The following GRM7 variants were observed in gnomAD, a reference collection of about 807,000 sequenced individuals.
GRM7 encodes metabotropic glutamate receptor 7.
In GRM7, 35 loss-of-function variants were observed where a neutral mutation model predicts 84.5. The ratio of observed to expected loss-of-function variants is 0.41; its 90% confidence interval spans 0.32 to 0.55. GRM7 has a LOEUF of 0.55. Among genes scored for constraint, GRM7 ranks in the 20% least tolerant of loss-of-function variants. The pLI is 0.19. For missense variants in GRM7, 1,003 were observed against 1,194.6 expected (o/e 0.84, Z 2.36); for synonymous variants, 487 against 455.1 (o/e 1.07, Z -0.89).
intron 1 of GRM7, among the ~76,000 whole-genome samples, chr3:7,112,229 A>ATTT (rs34718473): frequency 6.1e-5 from 9 of 146,838 alleles, no homozygotes; most frequent in African/African-American, 2.0e-4. Flanking sequence ...ATATTTTATG[A>ATTT]TTTTTTTTTT....
chr3:7,403,686 CAT>C (rs199640104), intron 4 of GRM7, among the ~76,000 whole-genome samples: 1,513 of 143,878 alleles, frequency 0.011, 29 homozygotes, highest in African/African-American at 0.036. Flanking sequence ...TATATACACA[CAT>C]ATATATGTGT....
intron 7 of GRM7, among the ~76,000 whole-genome samples, chr3:7,497,907 T>C (rs567669130): frequency 5.3e-5 from 8 of 152,298 alleles, no homozygotes; most frequent in African/African-American, 1.9e-4. Context: ...TTGTGGGATG[T>C]GATAGGAACT....
intron 2 of GRM7, among the ~76,000 whole-genome samples, chr3:7,210,283 A>G (rs1216283253): frequency 1.3e-5 from 2 of 152,228 alleles, no homozygotes; most frequent in Admixed American, 6.5e-5. Context: ...GTTCCCATCT[A>G]TTAGCTACAT....
chr3:7,279,623 G>A (rs1699188057), intron 2 of GRM7, among the ~76,000 whole-genome samples: 1 of 152,164 alleles, frequency 6.6e-6, no homozygotes, highest in Non-Finnish European at 1.5e-5. Flanking sequence ...GTAAGCAGAG[G>A]CAAGACACCA....
Position 7,501,111 on chromosome 3 carries a change from T to C in GRM7, c.1515+39389T>C, listed in dbSNP as rs376818613. Among the ~76,000 whole-genome samples the C allele has an allele frequency of 9.6e-4, 147 of 152,348 alleles. 3 individuals are homozygous for C. The South Asian group carries it at 0.025, about 26-fold the overall frequency. On this transcript the variant is annotated intron_variant, in intron 7 of 9. Coordinates refer to ENST00000357716, the MANE Select transcript of GRM7 (RefSeq NM_000844.4). ...ACTATATAGAGTGTTGACTTTATTA[T>C]TGAGTACCTAAAATATAATGCCAGA...
intron 2 of GRM7, among the ~76,000 whole-genome samples, chr3:7,281,347 C>A (rs1277118228): frequency 6.6e-6 from 1 of 151,980 alleles, no homozygotes; most frequent in East Asian, 1.9e-4. Context: ...TTTCATAAAA[C>A]CTCCATTTGT....
At chr3:7,124,578 C>A (rs1294049682) in intron 1 of GRM7, among the ~76,000 whole-genome samples, 1 of 152,114 alleles carries the variant, frequency 6.6e-6, no homozygotes, top group Non-Finnish European at 1.5e-5. Context: ...ATAAAGTTTC[C>A]TAATAATTGA....
chr3:7,346,433 T>C (rs536527886), intron 4 of GRM7, among the ~76,000 whole-genome samples: 7 of 152,292 alleles, frequency 4.6e-5, no homozygotes, highest in Non-Finnish European at 1.0e-4. Flanking sequence ...ACCTAGTTAC[T>C]GAAATACTGA....
Position 7,660,060 on chromosome 3 carries a change from A to G in GRM7, c.2452-19989A>G, listed in dbSNP as rs556761474. Among the ~76,000 whole-genome samples, 148 of 152,334 alleles carry G rather than the reference A, an allele frequency of 9.7e-4. 6 individuals carry two copies. The South Asian group carries it at 0.03, about 31-fold the overall frequency. On this transcript the variant is annotated intron_variant, in intron 8 of 9. Transcript: ENST00000357716. The stretch of plus-strand genomic sequence containing the variant: ...AAAACCAAATAGGTAGATAAAATAT[A>G]GGATGTAAGCTAAAAAGCAAAGTAT...
chr3:7,610,811 T>C (rs1200813932), intron 8 of GRM7, among the ~76,000 whole-genome samples: 1 of 152,196 alleles, frequency 6.6e-6, no homozygotes, highest in African/African-American at 2.4e-5. Flanking sequence ...GGTTTTCCCG[T>C]AGTCATCACA....
chr3:7,393,318 A>G (rs1180305530), intron 4 of GRM7, among the ~76,000 whole-genome samples: 1 of 152,064 alleles, frequency 6.6e-6, no homozygotes, highest in African/African-American at 2.4e-5. Flanking sequence ...CCCTTTCTGG[A>G]GCATCATCTC....
chr3:7,605,973 G>A (rs1370934923), intron 8 of GRM7, among the ~76,000 whole-genome samples: 2 of 152,164 alleles, frequency 1.3e-5, no homozygotes, highest in Non-Finnish European at 2.9e-5. Context: ...TTATTTGGCT[G>A]ATGGGCCATG....
At chr3:7,542,754 G>A (rs915469369) in intron 7 of GRM7, among the ~76,000 whole-genome samples, 1 of 151,966 alleles carries the variant, frequency 6.6e-6, no homozygotes, top group African/African-American at 2.4e-5. Flanking sequence ...CACCACGTTG[G>A]CCAGGATGGT....
chr3:7,031,078 G>C (rs1327323141), intron 1 of GRM7, among the ~76,000 whole-genome samples: 1 of 151,910 alleles, frequency 6.6e-6, no homozygotes, highest in African/African-American at 2.4e-5. Flanking sequence ...TTATTCCTTA[G>C]GTAGAAAAAA....
At chr3:6,874,627 G>C (rs1695238482) in intron 1 of GRM7, among the ~76,000 whole-genome samples, 1 of 152,224 alleles carries the variant, frequency 6.6e-6, no homozygotes, top group African/African-American at 2.4e-5. Flanking sequence ...TAGTGAGAGA[G>C]ACGGAGCTAG....
intron 2 of GRM7, among the ~76,000 whole-genome samples, chr3:7,210,692 C>G (rs1363164533): frequency 6.6e-6 from 1 of 152,066 alleles, no homozygotes; most frequent in Non-Finnish European, 1.5e-5. Flanking sequence ...ATAATGTTCG[C>G]CAAGAAAGCC....
At chr3:7,198,786 A>G (rs1181681266) in intron 2 of GRM7, among the ~76,000 whole-genome samples, 1 of 152,222 alleles carries the variant, frequency 6.6e-6, no homozygotes, top group Non-Finnish European at 1.5e-5. Flanking sequence ...TCACACCATC[A>G]TAAAGTCAAA....
intron 2 of GRM7, among the ~76,000 whole-genome samples, chr3:7,164,369 A>G (rs1694734261): frequency 6.6e-6 from 1 of 152,332 alleles, no homozygotes; most frequent in South Asian, 2.1e-4. Context: ...AAAAAAATTA[A>G]AAAACATAAA....
At chr3:7,558,733 A>G (rs1044423753) in intron 7 of GRM7, among the ~76,000 whole-genome samples, 1 of 152,158 alleles carries the variant, frequency 6.6e-6, no homozygotes, top group East Asian at 1.9e-4. Context: ...GAAACTAATT[A>G]TAAGGCCTTA....
Sources: allele counts gnomAD v4.1 joint callset (sites outside exome capture counted in the v4.1 genomes callset), GRCh38; gene constraint gnomAD v4.1.1; transcripts MANE v1.5; gene names NCBI Gene and HGNC (gene_info 2026-07-23, HGNC 2026-07-21).